Variants in ELF4 observed in about 807,000 individuals in gnomAD.
ELF4 encodes the protein ETS-related transcription factor Elf-4.
Under a neutral mutation model 31.7 loss-of-function variants are expected in ELF4, and 10 were observed. That is an observed-to-expected ratio of 0.32 (90% CI 0.19 to 0.54). The LOEUF (loss-of-function observed/expected upper bound fraction) is 0.54, where lower values mean the gene tolerates loss of function less well. Among genes scored for constraint, ELF4 ranks in the 20% least tolerant of loss-of-function variants. The pLI is 0.95. For synonymous variants in ELF4, 208 were observed against 226.7 expected, an observed-to-expected ratio of 0.92 and a Z score of 0.74; for missense variants, 418 against 522.0, an observed-to-expected ratio of 0.80 and a Z score of 1.94.
chrX:130,093,749 C>T (rs1027718461), intron 1 of ELF4, among the ~76,000 whole-genome samples: 1 of 112,031 alleles, frequency 8.9e-6, no homozygotes, highest in Non-Finnish European at 1.9e-5. Context: ...ATCACCTTGG[C>T]TTCCCCGTAG....
At position 130,066,770 on chromosome X, in the gene ELF4, G is replaced by C; in HGVS notation, c.1943C>G (p.Ser648Cys). 8.3e-7 allele frequency: 1 copy of C among 1,210,095 alleles called. No homozygotes were observed. Among genetic ancestry groups the C allele is most frequent in the South Asian group, 1.8e-5 (1 of 56,677 alleles). The change falls in exon 9 of 9, where the codon TCC (serine) becomes TGC (cysteine). Residue 648 changes from serine to cysteine, a missense_variant. By Grantham distance (112) the Ser-to-Cys change is moderately radical. This residue lies in a region of ELF4 where 260 missense variants were observed against 269.2 expected (regional missense o/e 0.97). Transcript: ENST00000308167. ...LTRSPTPAPF[S>C]PFNPTSLIKM... ...AATGAGGGAAGTAGGGTTGAATGGG[G>C]AGAAAGGGGCTGGGGTGGGGGATCT...
chrX:130,104,654 G>T (rs1234075352), intron 1 of ELF4, among the ~76,000 whole-genome samples: 2 of 112,175 alleles, frequency 1.8e-5, no homozygotes, highest in Admixed American at 9.5e-5. Flanking sequence ...CTCCCAGAGT[G>T]GTTAAGTAAC....
In ELF4 at chrX:130,066,718, T is replaced by G; in HGVS notation, c.*3A>C. 1 of 1,209,490 alleles carries G rather than the reference T, an allele frequency of 8.3e-7. No homozygotes were observed. On this transcript the variant is annotated 3_prime_UTR_variant, in exon 9 of 9. Coordinates refer to ENST00000308167, the MANE Select transcript of ELF4 (RefSeq NM_001421.4). ...TGGGTCACACTTGCCCTGACCCCTT[T>G]GCTTATATGTCATGGGGCTCCATCT...
intron 1 of ELF4, among the ~76,000 whole-genome samples, chrX:130,100,541 A>T (rs1393353141): frequency 9.0e-6 from 1 of 111,616 alleles, no homozygotes; most frequent in East Asian, 2.8e-4. Flanking sequence ...CAGGCCTGCC[A>T]TGCCTTTGCT....
intron 1 of ELF4, among the ~76,000 whole-genome samples, chrX:130,105,853 C>CGTGT (rs1569411251): frequency 2.4e-4 from 17 of 71,868 alleles, no homozygotes; most frequent in East Asian, 5.2e-4. Context: ...TCCCCAGGGG[C>CGTGT]CTGTGTGTGT....
chrX:130,106,824 G>A (rs928341891), intron 1 of ELF4, among the ~76,000 whole-genome samples: 2 of 111,610 alleles, frequency 1.8e-5, no homozygotes, highest in Admixed American at 1.9e-4. Context: ...TTCCCAGCTC[G>A]GTGGGAGATC....
chrX:130,085,441 G>C (rs890654306), intron 1 of ELF4, among the ~76,000 whole-genome samples: 3 of 111,858 alleles, frequency 2.7e-5, no homozygotes, highest in African/African-American at 9.7e-5. Flanking sequence ...TAGATGCACA[G>C]ACCCTTCCTG....
Position 130,099,109 on chromosome X carries a change from TCTG to T in ELF4, c.-210+11213_-210+11215del, listed in dbSNP as rs1442507192. Among the ~76,000 whole-genome samples, 7 of 112,523 alleles carry T rather than the reference TCTG, an allele frequency of 6.2e-5. No homozygotes were observed. In the East Asian group the frequency reaches 1.7e-3, roughly 27 times the overall value. ...CTTGGGTGGGAAAGTTTGGAAAAAC[TCTG>T]CTAAGTCAATTTTGCCATTAATGGG... is the stretch of plus-strand genomic sequence containing the variant. On this transcript the variant is annotated intron_variant, in intron 1 of 8. Transcript: ENST00000308167.
chrX:130,087,543 C>T (rs1344425111), intron 1 of ELF4, among the ~76,000 whole-genome samples: 2 of 112,645 alleles, frequency 1.8e-5, no homozygotes, highest in Admixed American at 9.3e-5. Context: ...TGCAGTGGCG[C>T]GATCTCGGCT....
chrX:130,092,377 C>T (rs1025735010), intron 1 of ELF4, among the ~76,000 whole-genome samples: 1 of 112,958 alleles, frequency 8.9e-6, no homozygotes, highest in African/African-American at 3.2e-5. Flanking sequence ...AAGGGCCCTG[C>T]GTGGTGAGTG....
At chrX:130,085,426 C>A (rs1031753393) in intron 1 of ELF4, among the ~76,000 whole-genome samples, 1 of 111,736 alleles carries the variant, frequency 8.9e-6, no homozygotes, top group Non-Finnish European at 1.9e-5. Flanking sequence ...CAACTCGGCC[C>A]CCTTTAGATG....
chrX:130,094,460 G>C (rs1295439115), intron 1 of ELF4, among the ~76,000 whole-genome samples: 2 of 108,469 alleles, frequency 1.8e-5, no homozygotes, highest in Non-Finnish European at 3.8e-5. Context: ...CCAGCTACTC[G>C]GGAGGCTAAG....
chrX:130,083,948 C>T (rs891562579), intron 1 of ELF4, among the ~76,000 whole-genome samples: 1 of 111,280 alleles, frequency 9.0e-6, no homozygotes, highest in Admixed American at 9.6e-5. Flanking sequence ...ACGGTGGATG[C>T]GGGTAGGTGT....
rs1162686555 is a variant in ELF4, at chrX:130,065,339, CCCTT to C, written c.*1378_*1381del. 2 of 173,633 alleles carry C rather than the reference CCCTT, an allele frequency of 1.2e-5. No homozygotes were observed. Among genetic ancestry groups the C allele is most frequent in the Non-Finnish European group, 2.2e-5 (2 of 91,228 alleles). The allele number at this position is 173,633 out of a possible 1,213,427, so 14.3% of individuals were successfully genotyped here. Reference sequence around the variant, plus strand: ...TTGGCTTTGAGAGAGAATAGGTTGACCCTTCCTCGGAAAGAGGGAAGGGGGAAGC... The same window carrying C: ...TTGGCTTTGAGAGAGAATAGGTTGACCCTCGGAAAGAGGGAAGGGGGAAGC... On this transcript the variant is annotated 3_prime_UTR_variant, in exon 9 of 9. Transcript: ENST00000308167.
intron 2 of ELF4, among the ~76,000 whole-genome samples, chrX:130,078,923 C>T (rs963295420): frequency 9.1e-6 from 1 of 109,971 alleles, no homozygotes; most frequent in Non-Finnish European, 1.9e-5. Context: ...TGTGCCACTG[C>T]ACTCCATCCT....
rs147400559 is a variant in ELF4, at chrX:130,067,069, C to T, written c.1644G>A (p.Gln548=). The change falls in exon 9 of 9, where the codon CAG becomes CAA. Residue 548 remains glutamine, a synonymous_variant. Coordinates refer to ENST00000308167, the MANE Select transcript of ELF4 (RefSeq NM_001421.4). ...EGPLRSSSYV[Q]GMVTGAPMEG... is the part of the protein sequence containing the mutation. ...CCATGGGGGCCCCCGTCACCATACC[C>T]TGAACATAGGAGGAGGACCTCAGTG... 4 of 1,209,969 alleles carry T rather than the reference C, an allele frequency of 3.3e-6. No individual in the cohort carries two copies. The African/African-American group carries it at 7.0e-5, about 21-fold the overall frequency.
chrX:130,079,413 G>A (rs948101330), intron 2 of ELF4, among the ~76,000 whole-genome samples: 82 of 111,204 alleles, frequency 7.4e-4, no homozygotes, highest in African/African-American at 2.3e-3. Context: ...AACCCAGATT[G>A]TGCTACTGTG....
rs756231486 is a variant in ELF4 at position 130,069,689 on chromosome X, G to A, written c.810-12C>T. The stretch of plus-strand genomic sequence containing the variant: ...TTTGGTAGTAGTATCTAGAGGAAGA[G>A]GGGCAGGGAGTTGGGAGTTAGCCGG... On this transcript the variant is annotated splice_polypyrimidine_tract_variant and intron_variant, in intron 7 of 8. Coordinates refer to ENST00000308167, the MANE Select transcript of ELF4 (RefSeq NM_001421.4). 23 of 1,209,382 alleles carry A rather than the reference G, an allele frequency of 1.9e-5. No homozygotes were observed. Among genetic ancestry groups the A allele is most frequent in the Non-Finnish European group, 2.6e-5 (23 of 895,355 alleles).
chrX:130,069,256 A>G (rs761395420), intron 8 of ELF4, 44 bp downstream of exon 8: 5 of 1,205,388 alleles, frequency 4.1e-6, no homozygotes, highest in Non-Finnish European at 5.6e-6. Context: ...GAACCCCAAC[A>G]TGATGTACTA....
Sources: allele counts gnomAD v4.1 joint callset (sites outside exome capture counted in the v4.1 genomes callset), GRCh38; gene constraint gnomAD v4.1.1; regional missense constraint gnomAD v4.1.1; transcripts MANE v1.5; gene names NCBI Gene and HGNC (gene_info 2026-07-23, HGNC 2026-07-21).